DGKD: variants seen among roughly 807,000 people sequenced by gnomAD.
DGKD encodes diacylglycerol kinase delta.
Under a neutral mutation model 154.4 loss-of-function variants are expected in DGKD, and 68 were observed. The observed-to-expected ratio is 0.44, with a 90% CI of 0.36 to 0.54. The LOEUF (loss-of-function observed/expected upper bound fraction) is 0.54. Among genes scored for constraint, DGKD ranks in the 20% least tolerant of loss-of-function variants. The pLI is 0.00. For synonymous variants in DGKD, 693 were observed against 638.0 expected (o/e 1.09, Z -1.30); for missense variants, 1,343 against 1,593.6 (o/e 0.84, Z 2.68).
chr2:233,405,722 G>C (rs79382351), intron 3 of DGKD, among the ~76,000 whole-genome samples: 27 of 152,240 alleles, frequency 1.8e-4, no homozygotes, highest in Middle Eastern at 3.4e-3. Flanking sequence ...TTCGAACTAT[G>C]AGGCAAATAA....
At position 233,441,947 on chromosome 2, in the gene DGKD, T is replaced by C; in HGVS notation, c.1146T>C (p.Ser382=). ...TTCTGGTTTGTGGCGGGGATGGAAG[T>C]GTTGGCTGGGTCCTCTCCGAAATCG... ...FRILVCGGDG[S]VGWVLSEIDS... The change falls in exon 10 of 30, where the codon AGT becomes AGC. Residue 382 remains serine, a synonymous_variant. Coordinates refer to ENST00000264057, the MANE Select transcript of DGKD (RefSeq NM_152879.3). The surrounding 1 kb of genome is among the most constrained non-coding windows in gnomAD (Gnocchi z 5.6). 1.2e-6 allele frequency: 2 copies of C among 1,613,700 alleles called. No individual in the cohort carries two copies. Among genetic ancestry groups the C allele is most frequent in the Non-Finnish European group, 1.7e-6 (2 of 1,179,814 alleles).
rs1188622169 is a variant in DGKD, at chr2:233,457,782, G to A, written c.2580+454G>A. The A allele has an allele frequency of 2.8e-6, 1 of 359,288 alleles. No homozygotes were observed. The highest frequency in any genetic ancestry group is 5.5e-6 in the Non-Finnish European group (1 of 182,252). 22.3% of individuals were successfully genotyped at this position (359,288 alleles called of 1,614,324 possible). Reference sequence around the variant, plus strand: ...CTGCAGTGGGCAGCAGGGGCGTGGAGAGACAGGAGAGGGCTGCAGGGCCTG... The same window carrying A: ...CTGCAGTGGGCAGCAGGGGCGTGGAAAGACAGGAGAGGGCTGCAGGGCCTG... On this transcript the variant is annotated intron_variant, in intron 21 of 29. Coordinates refer to ENST00000264057, the MANE Select transcript of DGKD (RefSeq NM_152879.3). The surrounding 1 kb of genome is among the most constrained non-coding windows in gnomAD (Gnocchi z 5.5).
In DGKD at chr2:233,459,495, A is replaced by G. The variant is rs1239667593; in HGVS notation, c.2695-262A>G. On this transcript the variant is annotated intron_variant, in intron 22 of 29. Coordinates refer to ENST00000264057, the MANE Select transcript of DGKD (RefSeq NM_152879.3). The surrounding 1 kb of genome is among the most constrained non-coding windows in gnomAD (Gnocchi z 5.7). The stretch of plus-strand genomic sequence containing the variant: ...CCTGGGTTCTGACACCTGTTGTCTC[A>G]GCACCAAGGTCTCCTGCACTGACTG... 6.9e-6 allele frequency among the ~76,000 whole-genome samples: 1 copy of G among 143,906 alleles called. No individual in the cohort carries two copies. Among genetic ancestry groups the G allele is most frequent in the Non-Finnish European group, 1.5e-5 (1 of 65,414 alleles). 94.4% of individuals were successfully genotyped at this position (143,906 alleles called of 152,430 possible). A position where few individuals can be genotyped will look rare whatever the true frequency, so the allele number is the denominator to read the frequency against.
chr2:233,424,777 C>T (rs1269963849), intron 3 of DGKD, among the ~76,000 whole-genome samples: 3 of 152,242 alleles, frequency 2.0e-5, no homozygotes, highest in African/African-American at 7.2e-5. Flanking sequence ...CTGAATGGAG[C>T]AGATAACCTG....
Position 233,470,939 on chromosome 2 carries a change from G to A in DGKD, c.*1479G>A, listed in dbSNP as rs1329676196. 4 of 152,516 alleles carry A rather than the reference G, an allele frequency of 2.6e-5. No homozygotes were observed. Among genetic ancestry groups the A allele is most frequent in the Admixed American group, 6.5e-5 (1 of 15,284 alleles). The allele number at this position is 152,516 out of a possible 1,614,324, so 9.4% of individuals were successfully genotyped here. On this transcript the variant is annotated 3_prime_UTR_variant, in exon 30 of 30. Coordinates refer to ENST00000264057, the MANE Select transcript of DGKD (RefSeq NM_152879.3). ...TTTAGTCAGCGTCACTCCATCTGAT[G>A]TGCAGAAGCTGGGCTGCACCTGCGG...
At chr2:233,418,845 G>A (rs976155782) in intron 3 of DGKD, among the ~76,000 whole-genome samples, 2 of 152,192 alleles carry the variant, frequency 1.3e-5, no homozygotes, top group Admixed American at 6.5e-5. Context: ...CAGAGCTGGT[G>A]GGCTGGGCGG....
At chr2:233,425,772 G>A (rs1575095759) in intron 3 of DGKD, among the ~76,000 whole-genome samples, 1 of 152,188 alleles carries the variant, frequency 6.6e-6, no homozygotes, top group Non-Finnish European at 1.5e-5. Context: ...TGTCATTACT[G>A]TAGCCAGTCT....
chr2:233,451,549 A>G (rs992886789), intron 17 of DGKD, among the ~76,000 whole-genome samples: 1 of 151,200 alleles, frequency 6.6e-6, no homozygotes, highest in African/African-American at 2.4e-5. Context: ...TAATGAGAAC[A>G]TGAAAACTGA....
chr2:233,448,005 A>G, intron 12 of DGKD, 82 bp from the exon 13 acceptor site: 2 of 1,592,674 alleles, frequency 1.3e-6, no homozygotes, highest in African/African-American at 1.3e-5. Context: ...CTGGCAAGGA[A>G]GTGGCTGACA....
At chr2:233,461,089 C>T (rs1378632060) in intron 24 of DGKD, among the ~76,000 whole-genome samples, 1 of 152,170 alleles carries the variant, frequency 6.6e-6, no homozygotes, top group Non-Finnish European at 1.5e-5. Flanking sequence ...ACCCCTGGAG[C>T]CACTGTGTCC....
intron 1 of DGKD, chr2:233,386,235 G>A: frequency 3.1e-6 from 1 of 327,432 alleles, no homozygotes; most frequent in South Asian, 2.4e-5. Context: ...TGAATGGGGG[G>A]CCAGGAGAGA....
intron 24 of DGKD, 136 bp from the exon 25 acceptor site, chr2:233,462,212 C>T (rs1045248361): frequency 2.3e-5 from 15 of 645,508 alleles, no homozygotes; most frequent in African/African-American, 3.6e-5. Context: ...GGCTGAGCCA[C>T]GATCCCTGTC....
intron 1 of DGKD, among the ~76,000 whole-genome samples, chr2:233,365,800 C>T (rs1443264375): frequency 6.6e-6 from 1 of 152,036 alleles, no homozygotes; most frequent in Non-Finnish European, 1.5e-5. Flanking sequence ...ATTTATGAGT[C>T]ACAGAAAGCT....
intron 10 of DGKD, among the ~76,000 whole-genome samples, chr2:233,444,659 C>G (rs976739144): frequency 2.7e-5 from 4 of 146,612 alleles, no homozygotes; most frequent in African/African-American, 1.0e-4. Context: ...TCTAGTGTGT[C>G]GGCTCCGGTG....
intron 3 of DGKD, among the ~76,000 whole-genome samples, chr2:233,407,146 C>T (rs7422734): frequency 0.091 from 13,825 of 152,202 alleles, 712 homozygotes; most frequent in African/African-American, 0.14. Context: ...CTGAATGTTT[C>T]CTAGTTTCTA....
At chr2:233,442,228 A>G in intron 10 of DGKD, 1 of 646,410 alleles carries the variant, frequency 1.5e-6, no homozygotes, top group Non-Finnish European at 2.9e-6. Context: ...GGGGGACCTG[A>G]AGGGAGCTAC....
At chr2:233,401,972 G>A (rs939802610) in intron 3 of DGKD, among the ~76,000 whole-genome samples, 3 of 146,598 alleles carry the variant, frequency 2.0e-5, no homozygotes, top group South Asian at 2.3e-4. Context: ...CCATCGAGGG[G>A]CCCCTCGTTT....
At chr2:233,384,416 G>A (rs1322378272) in intron 1 of DGKD, among the ~76,000 whole-genome samples, 1 of 152,114 alleles carries the variant, frequency 6.6e-6, no homozygotes, top group African/African-American at 2.4e-5. Context: ...TGTACTCCAT[G>A]CTTTCTCCTT....
chr2:233,375,061 C>T (rs113005780), intron 1 of DGKD, among the ~76,000 whole-genome samples: 1,875 of 152,210 alleles, frequency 0.012, 33 homozygotes, highest in African/African-American at 0.043. Context: ...CGCCCAAGTC[C>T]GGTGGATCAC....
Sources: allele counts gnomAD v4.1 joint callset (sites outside exome capture counted in the v4.1 genomes callset), GRCh38; gene constraint gnomAD v4.1.1; non-coding constraint Gnocchi (gnomAD v3.1); transcripts MANE v1.5; gene names NCBI Gene and HGNC (gene_info 2026-07-23, HGNC 2026-07-21).